WLS: variants seen among roughly 807,000 people sequenced by gnomAD.
WLS encodes the protein protein wntless homolog.
WLS carries 23 observed loss-of-function variants against 62.8 expected under a neutral mutation model. That is an observed-to-expected ratio of 0.37 (90% confidence interval 0.26 to 0.52). The LOEUF is 0.52. Ranked by LOEUF, WLS falls within the 20% of genes least tolerant of loss-of-function variation. The probability of loss-of-function intolerance (pLI) is 0.92; values close to 1 mark genes in which losing one functional copy is unlikely to be tolerated. For synonymous variants in WLS, 246 were observed against 244.1 expected (o/e 1.01, Z -0.07); for missense variants, 615 against 697.3 (o/e 0.88, Z 1.33).
intron 11 of WLS, among the ~76,000 whole-genome samples, chr1:68,102,035 ACT>A (rs1379579056): frequency 6.6e-6 from 1 of 152,088 alleles, no homozygotes; most frequent in African/African-American, 2.4e-5. Flanking sequence ...GGAGCTGCAG[ACT>A]CTGCACACAC....
At chr1:68,203,350 A>T (rs1441297705) in intron 1 of WLS, among the ~76,000 whole-genome samples, 2 of 152,140 alleles carry the variant, frequency 1.3e-5, no homozygotes, top group East Asian at 3.9e-4. Context: ...ATTTATTAGC[A>T]CTCTCAGATT....
Position 68,137,938 on chromosome 1 carries a change from G to C in WLS, c.1363-5C>G. ...TTTCCAATGGCCTTCCGTTACCTGC[G>C]GAGAAAGGATGGTGATATTCAATTG... On this transcript the variant is annotated splice_region_variant and splice_polypyrimidine_tract_variant and intron_variant, in intron 10 of 11. Coordinates refer to ENST00000262348, the MANE Select transcript of WLS (RefSeq NM_024911.7). 2.5e-6 allele frequency: 4 copies of C among 1,613,564 alleles called. No individual in the cohort carries two copies. The highest frequency in any genetic ancestry group is 3.4e-6 in the Non-Finnish European group (4 of 1,179,716).
At chr1:68,162,622 C>T (rs1240604948) in intron 2 of WLS, 12 of 1,299,204 alleles carry the variant, frequency 9.2e-6, no homozygotes, top group Admixed American at 1.8e-5. Context: ...TGTGCCTTAC[C>T]GCAGTGCTTG....
chr1:68,189,977 C>T (rs1648196528), intron 2 of WLS, among the ~76,000 whole-genome samples: 1 of 152,316 alleles, frequency 6.6e-6, no homozygotes, highest in South Asian at 2.1e-4. Flanking sequence ...CCACCGTACT[C>T]CAGCCTGGGT....
intron 11 of WLS, among the ~76,000 whole-genome samples, chr1:68,110,849 AAAATT>A (rs1319529309): frequency 2.0e-5 from 3 of 152,170 alleles, no homozygotes; most frequent in African/African-American, 7.2e-5. Flanking sequence ...ATATAGGAAA[AAAATT>A]AAAGAGGCTC....
intron 2 of WLS, among the ~76,000 whole-genome samples, chr1:68,174,022 C>T (rs1647193232): frequency 6.6e-6 from 1 of 152,176 alleles, no homozygotes; most frequent in Non-Finnish European, 1.5e-5. Context: ...CATTTCTTTC[C>T]CTCCCTTCAG....
chr1:68,191,735 G>A (rs1648315988), intron 2 of WLS, among the ~76,000 whole-genome samples: 1 of 152,194 alleles, frequency 6.6e-6, no homozygotes, highest in African/African-American at 2.4e-5. Flanking sequence ...AGGGACATGG[G>A]AACCACCACT....
chr1:68,228,549 G>A (rs1650260968), intron 1 of WLS, among the ~76,000 whole-genome samples: 1 of 151,822 alleles, frequency 6.6e-6, no homozygotes, highest in African/African-American at 2.4e-5. Context: ...TTATTTTTAA[G>A]TTTTCTGCAG....
chr1:68,154,283 C>T (rs1646866810), intron 4 of WLS, among the ~76,000 whole-genome samples: 2 of 152,138 alleles, frequency 1.3e-5, no homozygotes, highest in Non-Finnish European at 1.5e-5. Context: ...AGAGCTTTTT[C>T]CCTATGCTAA....
intron 8 of WLS, 147 bp from the exon 9 acceptor site, chr1:68,146,159 T>C (rs1646750743): frequency 1.2e-6 from 1 of 868,800 alleles, no homozygotes. Flanking sequence ...TAAAACCTGA[T>C]ATTCTAATGC....
chr1:68,159,184 C>T lies in WLS; in HGVS notation c.443G>A (p.Trp148Ter), dbSNP rs748429905. 28 of 1,614,080 alleles carry T rather than the reference C, an allele frequency of 1.7e-5. No individual in the cohort carries two copies. Among genetic ancestry groups the T allele is most frequent in the Non-Finnish European group, 2.4e-5 (28 of 1,180,000 alleles). The change falls in exon 3 of 12, where the codon TGG becomes TAG. Residue 148 changes from tryptophan to a stop codon, truncating the protein, a stop_gained. Coordinates refer to ENST00000262348, the MANE Select transcript of WLS (RefSeq NM_024911.7). LOFTEE classifies it high-confidence loss of function. The stretch of plus-strand genomic sequence containing the variant: ...TACTCTTTCATGGGCCATTTCAGTC[C>T]ACTCAGCAAACGCGTCATCACGGTA... ...LAYRDDAFAEWTEMAHERVPR... is the reference protein window; with the variant it reads ...LAYRDDAFAE
chr1:68,137,693 C>A (rs1646630647), intron 11 of WLS, 87 bp downstream of exon 11: 1 of 1,430,554 alleles, frequency 7.0e-7, no homozygotes, highest in East Asian at 2.3e-5. Context: ...TTTCACTGGG[C>A]ATCTCAGAGC....
intron 11 of WLS, among the ~76,000 whole-genome samples, chr1:68,136,937 A>G (rs1427004547): frequency 2.6e-5 from 4 of 152,214 alleles, no homozygotes; most frequent in Non-Finnish European, 5.9e-5. Flanking sequence ...AGGGCTTCCT[A>G]TGTTTGGGGA....
At chr1:68,163,003 G>A in intron 2 of WLS, 2 of 1,593,050 alleles carry the variant, frequency 1.3e-6, no homozygotes, top group Non-Finnish European at 1.7e-6. Flanking sequence ...CAGGAGTGCA[G>A]GGGGCCGTTC....
intron 11 of WLS, among the ~76,000 whole-genome samples, chr1:68,114,877 T>C (rs1468540005): frequency 6.6e-6 from 1 of 152,162 alleles, no homozygotes; most frequent in African/African-American, 2.4e-5. Flanking sequence ...GCAGCCCTAA[T>C]TGGGCAGGTA....
chr1:68,127,511 A>G (rs1646451735), intron 11 of WLS, among the ~76,000 whole-genome samples: 1 of 152,188 alleles, frequency 6.6e-6, no homozygotes, highest in Non-Finnish European at 1.5e-5. Context: ...TACCTGCCAT[A>G]AGACAAGTGA....
intron 2 of WLS, among the ~76,000 whole-genome samples, chr1:68,187,690 A>G (rs1448444759): frequency 6.6e-6 from 1 of 152,288 alleles, no homozygotes; most frequent in East Asian, 1.9e-4. Context: ...AAAAATGTAA[A>G]CAGGGAGCTT....
chr1:68,139,682 G>A (rs951274743), intron 10 of WLS, among the ~76,000 whole-genome samples: 5 of 152,212 alleles, frequency 3.3e-5, no homozygotes, highest in Non-Finnish European at 5.9e-5. Flanking sequence ...ATTCTTGCTA[G>A]GATTGACATG....
At chr1:68,222,090 C>T (rs1175578751) in intron 1 of WLS, among the ~76,000 whole-genome samples, 2 of 152,172 alleles carry the variant, frequency 1.3e-5, no homozygotes, top group Non-Finnish European at 2.9e-5. Flanking sequence ...CACAAACATC[C>T]TCCGAAAGCA....
Sources: gnomAD v4.1 joint callset for allele counts (sites outside exome capture counted in the v4.1 genomes callset) on GRCh38, gnomAD v4.1.1 for gene constraint, MANE v1.5 for transcripts, NCBI Gene and HGNC (gene_info 2026-07-23, HGNC 2026-07-21) for gene names.